RNF207: variants seen among roughly 807,000 people sequenced by gnomAD.
The protein encoded by RNF207 is ring finger protein 207.
Under a neutral mutation model 79.0 loss-of-function variants are expected in RNF207, and 72 were observed. The ratio of observed to expected loss-of-function variants is 0.91; its 90% confidence interval spans 0.75 to 1.11. RNF207 has a LOEUF of 1.11. Among genes scored for constraint, RNF207 ranks in the 50% least tolerant of loss-of-function variants. RNF207 has a pLI of 0.00. For missense variants in RNF207, 936 were observed against 855.8 expected (o/e 1.09, Z -1.17); for synonymous variants, 348 against 366.2 (o/e 0.95, Z 0.57).
rs769310051 is a variant in RNF207, at chr1:6,211,004, C to T, written c.1012-17C>T. On this transcript the variant is annotated splice_polypyrimidine_tract_variant and intron_variant, in intron 11 of 17. Coordinates refer to ENST00000377939, the MANE Select transcript of RNF207 (RefSeq NM_207396.3). The surrounding 1 kb of genome is among the most constrained non-coding windows in gnomAD (Gnocchi z 4.2). ...AGGGCAGTGGAGGCCACCTCATGAC[C>T]CCATCCCGCTGCCCAGATTGCCAGT... 3 of 1,603,442 alleles carry T rather than the reference C, an allele frequency of 1.9e-6. No individual in the cohort carries two copies. Among genetic ancestry groups the T allele is most frequent in the Non-Finnish European group, 2.6e-6 (3 of 1,175,366 alleles).
At chr1:6,213,911 G>T (rs1252151944) in intron 16 of RNF207, among the ~76,000 whole-genome samples, 3 of 152,200 alleles carry the variant, frequency 2.0e-5, no homozygotes, top group Non-Finnish European at 4.4e-5. Flanking sequence ...GGATAGACTG[G>T]TTGCCCTGTA....
rs984148400 is a variant in RNF207 at position 6,209,157 on chromosome 1, A to G, written c.512A>G (p.Lys171Arg). The change falls in exon 5 of 18, where the codon AAG becomes AGG. Residue 171 changes from lysine (K) to arginine (R), a missense_variant. Physicochemically the swap from Lys to Arg is conservative, Grantham distance 26. Transcript: ENST00000377939. ...EPYLLFSTDK[K>R]LLLCIRCFRD... ...TACCTCTTGTTCTCCACCGACAAGA[A>G]GTTGCTGTTGTGCATCCGCTGCTTC... The G allele has an allele frequency of 9.6e-6, 15 of 1,557,794 alleles. No individual in the cohort carries two copies. In the African/African-American group the frequency reaches 1.5e-4, roughly 16 times the overall value.
At chr1:6,210,571 C>T in intron 10 of RNF207, 133 bp downstream of exon 10, 2 of 678,192 alleles carry the variant, frequency 2.9e-6, no homozygotes, top group Non-Finnish European at 5.0e-6. Flanking sequence ...GACCCCCTCC[C>T]AACTCCATCA....
Position 6,212,685 on chromosome 1 carries a change from T to C in RNF207, c.1486T>C (p.Trp496Arg), listed in dbSNP as rs1197294185. 1 of 1,613,696 alleles carries C rather than the reference T, an allele frequency of 6.2e-7. No individual in the cohort carries two copies. Among genetic ancestry groups the C allele is most frequent in the South Asian group, 1.1e-5 (1 of 91,074 alleles). Residue 496 changes from tryptophan to arginine, a missense_variant, in exon 15 of 18, where the codon TGG (tryptophan) becomes CGG (arginine). Coordinates refer to ENST00000377939, the MANE Select transcript of RNF207 (RefSeq NM_207396.3). ...EGMRVVFQEIWEEAYQRVANE... is the reference protein window; with the variant it reads ...EGMRVVFQEIREEAYQRVANE... ...ATGTCCAGCTTTTCTCTTTCAGATT[T>C]GGGAGGAAGCCTATCAGCGAGTGGC...
chr1:6,219,223 G>A lies in RNF207; in HGVS notation c.1734-13G>A. The A allele has an allele frequency of 6.3e-7, 1 of 1,599,004 alleles. No homozygotes were observed. Among genetic ancestry groups the A allele is most frequent in the Non-Finnish European group, 8.5e-7 (1 of 1,171,710 alleles). ...GGGGAGCGGGCTGGGCTTACATGAG[G>A]CTGTCCCTTTAGGAATAATCCAGGA... On this transcript the variant is annotated splice_polypyrimidine_tract_variant and intron_variant, in intron 17 of 17. Transcript: ENST00000377939.
intron 4 of RNF207, 34 bp downstream of exon 4, chr1:6,209,059 G>C: frequency 6.5e-7 from 1 of 1,539,866 alleles, no homozygotes; most frequent in Non-Finnish European, 8.8e-7. Context: ...GGACTTGGGG[G>C]TGGGGGCGGG....
chr1:6,209,990 G>C lies in RNF207; in HGVS notation c.800+20G>C. The C allele has an allele frequency of 6.4e-7, 1 of 1,568,358 alleles. No homozygotes were observed. The highest frequency in any genetic ancestry group is 8.6e-7 in the Non-Finnish European group (1 of 1,156,402). On this transcript the variant is annotated intron_variant, in intron 8 of 17. Transcript: ENST00000377939. ...GCAGAGGTGAGTTGGGGGGAGCGGG[G>C]CTTGCTTCCCTTACCCCTTGGCCTC...
Position 6,207,589 on chromosome 1 carries a change from G to A in RNF207, c.324+78G>A. 1 of 1,481,020 alleles carries A rather than the reference G, an allele frequency of 6.8e-7. No homozygotes were observed. 91.7% of individuals were successfully genotyped at this position (1,481,020 alleles called of 1,614,324 possible). On this transcript the variant is annotated intron_variant, in intron 3 of 17. Coordinates refer to ENST00000377939, the MANE Select transcript of RNF207 (RefSeq NM_207396.3). This position sits in a 1 kb window ranked among gnomAD's most constrained non-coding sequence, Gnocchi z 4.5. ...TCCCCAATGCTTGCACATGCACTCA[G>A]CATGTCTTCAGAGGACGACCTGGCA... is the stretch of plus-strand genomic sequence containing the variant.
chr1:6,219,004 A>G (rs1557595586), intron 17 of RNF207, among the ~76,000 whole-genome samples: 2 of 152,168 alleles, frequency 1.3e-5, no homozygotes, highest in East Asian at 1.9e-4. Context: ...CAGTGTCACC[A>G]GAAACCGCTG....
Position 6,209,205 on chromosome 1 carries a change from AG to A in RNF207, c.551+13del. On this transcript the variant is annotated intron_variant, in intron 5 of 17. Transcript: ENST00000377939. Reference sequence around the variant, plus strand: ...TTCCGCGACATGCAGAAGTGCGTACAGGGGACGCGAGGGGAGGGGGCTGGGG... The same window carrying A: ...TTCCGCGACATGCAGAAGTGCGTACAGGGACGCGAGGGGAGGGGGCTGGGG... 1.3e-6 allele frequency: 2 copies of A among 1,551,000 alleles called. No homozygotes were observed. Among genetic ancestry groups the A allele is most frequent in the African/African-American group, 2.7e-5 (2 of 73,278 alleles).
rs1251741519 is a variant in RNF207 at position 6,219,985 on chromosome 1, AG to A, written c.*583del. The A allele has an allele frequency of 6.6e-6, 1 of 152,076 alleles. No individual in the cohort carries two copies. Among genetic ancestry groups the A allele is most frequent in the Non-Finnish European group, 1.5e-5 (1 of 68,058 alleles). The allele number at this position is 152,076 out of a possible 1,614,324, so 9.4% of individuals were successfully genotyped here. ...CTAATTTTTTGTATTTTAAGTAGAG[AG>A]GGGGTTTCTCCATGTTGGTCAGGCT... On this transcript the variant is annotated 3_prime_UTR_variant, in exon 18 of 18. Transcript: ENST00000377939.
chr1:6,212,304 C>T lies in RNF207; in HGVS notation c.1370C>T (p.Ser457Leu), dbSNP rs202068513. 3.2e-4 allele frequency: 510 copies of T among 1,613,912 alleles called. No individual in the cohort carries two copies. Among genetic ancestry groups the T allele is most frequent in the Non-Finnish European group, 4.0e-4 (467 of 1,179,996 alleles). Residue 457 changes from serine to leucine, a missense_variant, in exon 14 of 18, where the codon TCG becomes TTG. Coordinates refer to ENST00000377939, the MANE Select transcript of RNF207 (RefSeq NM_207396.3). ...CACCGAGACCTCACCAAGCACCACT[C>T]GCTCATCAAGGCGGAGATCATGGGA... ...ELHRDLTKHH[S>L]LIKAEIMGDV... is the part of the protein sequence containing the mutation.
At position 6,214,630 on chromosome 1, in the gene RNF207, C is replaced by CTTTTTTTTTTTTTTTTTTTTTT. The variant is rs144139448; in HGVS notation, c.1652+1449_1652+1470dup. 5.2e-4 allele frequency among the ~76,000 whole-genome samples: 37 copies of CTTTTTTTTTTTTTTTTTTTTTT among 70,662 alleles called. 1 individual carries two copies. The highest frequency in any genetic ancestry group is 7.5e-4 in the Non-Finnish European group (29 of 38,534). The allele number at this position is 70,662 out of a possible 152,430, so 46.4% of individuals were successfully genotyped here. ...GTTGGCCAGGCTGGAATATTTCTTTCTTTTTTTTTTTTTTTTTTTTTTTGA... is the reference window on the plus strand; with the variant it reads ...GTTGGCCAGGCTGGAATATTTCTTTCTTTTTTTTTTTTTTTTTTTTTTTTTTTTTTTTTTTTTTTTTTTTTGA... On this transcript the variant is annotated intron_variant, in intron 16 of 17. Transcript: ENST00000377939.
chr1:6,216,406 A>G (rs1668361747), intron 16 of RNF207, among the ~76,000 whole-genome samples: 1 of 151,982 alleles, frequency 6.6e-6, no homozygotes, highest in African/African-American at 2.4e-5. Flanking sequence ...CACTTTGTGG[A>G]TGTCTGCAGT....
chr1:6,211,168 TG>T lies in RNF207; in HGVS notation c.1109+55del. ...GCACAAGGTCCCCAACACTGGGGTG[TG>T]GGGGAGGGTGGGCGCTGAGGGGCCA... On this transcript the variant is annotated intron_variant, in intron 12 of 17. Coordinates refer to ENST00000377939, the MANE Select transcript of RNF207 (RefSeq NM_207396.3). The surrounding 1 kb of genome is among the most constrained non-coding windows in gnomAD (Gnocchi z 4.2). 7.7e-7 allele frequency: 1 copy of T among 1,292,860 alleles called. No individual in the cohort carries two copies. The highest frequency in any genetic ancestry group is 1.1e-6 in the Non-Finnish European group (1 of 937,250). The allele number at this position is 1,292,860 out of a possible 1,614,324, so 80.1% of individuals were successfully genotyped here.
rs975950072 is a variant in RNF207, at chr1:6,209,132, T to C, written c.487T>C (p.Tyr163His). The change falls in exon 5 of 18, where the codon TAC (tyrosine) becomes CAC (histidine). Residue 163 changes from tyrosine (Y) to histidine (H), a missense_variant. By Grantham distance (83) the Tyr-to-His change is moderately conservative (BLOSUM62 2). Transcript: ENST00000377939. ...CCCCGCAGCGCTGCACGCAGAGCCCTACCTCTTGTTCTCCACCGACAAGAA... is the reference window on the plus strand; with the variant it reads ...CCCCGCAGCGCTGCACGCAGAGCCCCACCTCTTGTTCTCCACCGACAAGAA... ...PQKCTLHAEP[Y>H]LLFSTDKKLL... is the part of the protein sequence containing the mutation. 6.4e-7 allele frequency: 1 copy of C among 1,556,100 alleles called. No individual in the cohort carries two copies. The highest frequency in any genetic ancestry group is 8.7e-7 in the Non-Finnish European group (1 of 1,149,576).
chr1:6,214,596 T>C (rs1668295029), intron 16 of RNF207, among the ~76,000 whole-genome samples: 1 of 144,832 alleles, frequency 6.9e-6, no homozygotes, highest in South Asian at 2.2e-4. Context: ...AGAGATGGAG[T>C]TTTGCCAAGT....
chr1:6,218,066 A>G (rs1668420640), intron 16 of RNF207, among the ~76,000 whole-genome samples: 1 of 152,266 alleles, frequency 6.6e-6, no homozygotes, highest in African/African-American at 2.4e-5. Flanking sequence ...TGGCCCGACC[A>G]GCACGCAGCT....
Position 6,219,308 on chromosome 1 carries a change from CG to C in RNF207, c.1808del (p.Gly603AlafsTer8), listed in dbSNP as rs766235482. Reference sequence around the variant, plus strand: ...CTAAAGGAAACAGCTGGGCTCCGAACGGCCTCTCAGAAGAGCCTCTACTGAA... The same window carrying C: ...CTAAAGGAAACAGCTGGGCTCCGAACGCCTCTCAGAAGAGCCTCTACTGAA... ...EPKGNSWAPN[G>X]LSEEPLLKNM... On this transcript the variant is annotated frameshift_variant, in exon 18 of 18. Coordinates refer to ENST00000377939, the MANE Select transcript of RNF207 (RefSeq NM_207396.3). LOFTEE classifies it low-confidence loss of function (END_TRUNC). 3.3e-5 allele frequency: 54 copies of C among 1,613,116 alleles called. No homozygotes were observed. The highest frequency in any genetic ancestry group is 1.2e-4 in the Admixed American group (7 of 59,986).
Sources: gnomAD v4.1 joint callset for allele counts (sites outside exome capture counted in the v4.1 genomes callset) on GRCh38, gnomAD v4.1.1 for gene constraint, Gnocchi (gnomAD v3.1) non-coding constraint, MANE v1.5 for transcripts, NCBI Gene and HGNC (gene_info 2026-07-23, HGNC 2026-07-21) for gene names.